Variants in UQCRC2 observed in about 807,000 individuals in gnomAD.
UQCRC2 encodes the protein ubiquinol-cytochrome c reductase core protein 2, also known as cytochrome b-c1 complex subunit 2, mitochondrial.
Under a neutral mutation model 55.6 loss-of-function variants are expected in UQCRC2, and 49 were observed. The observed-to-expected ratio is 0.88, with a 90% confidence interval of 0.70 to 1.12. The LOEUF is 1.12. Among genes scored for constraint, UQCRC2 ranks in the 50% most tolerant of loss-of-function variants. The pLI, the probability that UQCRC2 is intolerant of heterozygous loss-of-function variation, is 0.00. For missense variants in UQCRC2, 506 were observed against 547.8 expected, an observed-to-expected ratio of 0.92 and a Z score of 0.76; for synonymous variants, 193 against 192.0, an observed-to-expected ratio of 1.01 and a Z score of -0.04.
intron 12 of UQCRC2, among the ~76,000 whole-genome samples, chr16:21,979,341 G>T (rs1011573358): frequency 6.6e-5 from 10 of 152,182 alleles, no homozygotes; most frequent in Non-Finnish European, 1.5e-4. Flanking sequence ...CGCAATTTCA[G>T]CTTCCAGTCA....
At chr16:21,971,643 GTTAAT>G in intron 9 of UQCRC2, 23 bp downstream of exon 9, 2 of 1,608,076 alleles carry the variant, frequency 1.2e-6, no homozygotes, top group Non-Finnish European at 1.7e-6. Flanking sequence ...TTCTATTAGG[GTTAAT>G]TTATCAGAAG....
At chr16:21,961,979 A>G (rs1478100136) in intron 4 of UQCRC2, among the ~76,000 whole-genome samples, 1 of 152,032 alleles carries the variant, frequency 6.6e-6, no homozygotes, top group Admixed American at 6.6e-5. Context: ...TTAAGTGTGC[A>G]GTTAAGTGGC....
chr16:21,983,035 A>G (rs1898772651), intron 13 of UQCRC2, 53 bp from the exon 14 acceptor site: 1 of 1,410,134 alleles, frequency 7.1e-7, no homozygotes, highest in East Asian at 2.4e-5. Flanking sequence ...CGCCTGCTTG[A>G]TGATATATAT....
intron 7 of UQCRC2, among the ~76,000 whole-genome samples, chr16:21,967,167 A>G (rs1898347364): frequency 6.6e-6 from 1 of 152,226 alleles, no homozygotes; most frequent in Non-Finnish European, 1.5e-5. Flanking sequence ...ACTTGGAGCA[A>G]TGGCAGCATC....
rs962208490 is a variant in UQCRC2, at chr16:21,983,024, T to A, written c.1279-64T>A. 18 of 1,453,662 alleles carry A rather than the reference T, an allele frequency of 1.2e-5. No homozygotes were observed. In the Admixed American group the frequency reaches 3.2e-4, roughly 26 times the overall value. The allele number at this position is 1,453,662 out of a possible 1,614,324, so 90.0% of individuals were successfully genotyped here. A position where few individuals can be genotyped will look rare whatever the true frequency, so the allele number is the denominator to read the frequency against. On this transcript the variant is annotated intron_variant, in intron 13 of 13. Transcript: ENST00000268379. ...AAATTCTTGAAATGACAAAATAAGT[T>A]CGCCTGCTTGATGATATATATTTTT...
intron 6 of UQCRC2, among the ~76,000 whole-genome samples, chr16:21,964,620 C>A (rs1236926404): frequency 1.3e-5 from 2 of 152,110 alleles, no homozygotes; most frequent in East Asian, 3.8e-4. Flanking sequence ...CAAATGATTT[C>A]CCCTGGGAAA....
At chr16:21,961,653 TATATATATATATATA>T (rs2141930916) in intron 4 of UQCRC2, among the ~76,000 whole-genome samples, 3 of 105,744 alleles carry the variant, frequency 2.8e-5, no homozygotes, top group Middle Eastern at 4.2e-3. Flanking sequence ...TATATATATA[TATATATATATATATA>T]TTTTAGACAG....
chr16:21,964,433 G>A (rs1898277497), intron 6 of UQCRC2, among the ~76,000 whole-genome samples: 1 of 152,092 alleles, frequency 6.6e-6, no homozygotes, highest in African/African-American at 2.4e-5. Flanking sequence ...TATTATCTAT[G>A]GGATAAAGTC....
At chr16:21,953,571 G>T in intron 1 of UQCRC2, 115 bp downstream of exon 1, 3 of 1,355,072 alleles carry the variant, frequency 2.2e-6, no homozygotes, top group Non-Finnish European at 2.0e-6. Flanking sequence ...CTGCCCTTCA[G>T]CTGAACCCTG....
intron 10 of UQCRC2, 91 bp from the exon 11 acceptor site, chr16:21,973,804 GA>G (rs1225150216): frequency 8.9e-7 from 1 of 1,129,470 alleles, no homozygotes; most frequent in African/African-American, 1.6e-5. Context: ...TTTATACCGT[GA>G]AGGTCCAAGT....
At chr16:21,966,227 C>T (rs1038454370) in intron 7 of UQCRC2, among the ~76,000 whole-genome samples, 1 of 152,010 alleles carries the variant, frequency 6.6e-6, no homozygotes, top group Non-Finnish European at 1.5e-5. Context: ...TCTTTGGTCT[C>T]TCTGAATTTG....
intron 7 of UQCRC2, among the ~76,000 whole-genome samples, chr16:21,966,544 T>C (rs1597958090): frequency 1.3e-5 from 2 of 152,194 alleles, no homozygotes; most frequent in East Asian, 3.8e-4. Flanking sequence ...ACTCAAAAAT[T>C]CAAGGTTTTT....
At chr16:21,965,623 G>A in intron 7 of UQCRC2, 118 bp downstream of exon 7, 1 of 836,676 alleles carries the variant, frequency 1.2e-6, no homozygotes, top group Non-Finnish European at 1.7e-6. Context: ...AATTCAGCGT[G>A]CTAGCTTTTT....
Position 21,971,578 on chromosome 16 carries a change from G to T in UQCRC2, c.724G>T (p.Gly242Cys). The T allele has an allele frequency of 6.2e-7, 1 of 1,614,144 alleles. No homozygotes were observed. Among genetic ancestry groups the T allele is most frequent in the Admixed American group, 1.7e-5 (1 of 60,016 alleles). Reference protein sequence around the residue: ...QVAEQFLNMRGGLGLSGAKAN... With the variant: ...QVAEQFLNMRCGLGLSGAKAN... Reference sequence around the variant, plus strand: ...TGCTGAACAGTTTCTCAACATGAGGGGTGGGCTTGGTTTATCTGGTGCAAA... The same window carrying T: ...TGCTGAACAGTTTCTCAACATGAGGTGTGGGCTTGGTTTATCTGGTGCAAA... The change falls in exon 9 of 14, where the codon GGT becomes TGT. Residue 242 changes from glycine to cysteine, a missense_variant. Gly to Cys is a radical substitution (Grantham distance 159). Coordinates refer to ENST00000268379, the MANE Select transcript of UQCRC2 (RefSeq NM_003366.4).
intron 6 of UQCRC2, among the ~76,000 whole-genome samples, chr16:21,963,622 C>T (rs1000478860): frequency 1.3e-5 from 2 of 151,980 alleles, no homozygotes; most frequent in African/African-American, 4.8e-5. Context: ...CACCACCGCA[C>T]CCTGCTAATT....
intron 12 of UQCRC2, chr16:21,976,994 CTAAGT>C (rs1333293758): frequency 1.3e-5 from 2 of 149,280 alleles, no homozygotes; most frequent in Non-Finnish European, 3.0e-5. Context: ...AGATTCCCAA[CTAAGT>C]TAAGAGTTAT....
At chr16:21,967,453 A>C (rs1441516802) in intron 7 of UQCRC2, among the ~76,000 whole-genome samples, 1 of 147,628 alleles carries the variant, frequency 6.8e-6, no homozygotes, top group Non-Finnish European at 1.5e-5. Flanking sequence ...TTTTTTTCTT[A>C]GTTACCCCAA....
At chr16:21,966,888 CTAGT>C (rs1229628637) in intron 7 of UQCRC2, among the ~76,000 whole-genome samples, 1 of 152,134 alleles carries the variant, frequency 6.6e-6, no homozygotes, top group Admixed American at 6.5e-5. Flanking sequence ...CATTAGGGAA[CTAGT>C]TAAATAACTT....
At chr16:21,979,454 A>T (rs1220620014) in intron 12 of UQCRC2, among the ~76,000 whole-genome samples, 1 of 152,190 alleles carries the variant, frequency 6.6e-6, no homozygotes, top group East Asian at 1.9e-4. Context: ...GGTATAGCCT[A>T]CTACACACAT....
Sources: allele counts gnomAD v4.1 joint callset (sites outside exome capture counted in the v4.1 genomes callset), GRCh38; gene constraint gnomAD v4.1.1; transcripts MANE v1.5; gene names NCBI Gene and HGNC (gene_info 2026-07-23, HGNC 2026-07-21).